Variants in CATSPERD observed in about 807,000 individuals in gnomAD.
The protein encoded by CATSPERD is catsper channel auxiliary subunit delta, also known as cation channel sperm-associated auxiliary subunit delta.
CATSPERD carries 86 observed loss-of-function variants against 98.1 expected under a neutral mutation model. The observed-to-expected ratio is 0.88, with a 90% CI of 0.74 to 1.05. The LOEUF (loss-of-function observed/expected upper bound fraction) is 1.05, where lower values mean the gene tolerates loss of function less well. Among genes scored for constraint, CATSPERD ranks in the 50% least tolerant of loss-of-function variants. The probability of loss-of-function intolerance (pLI) is 0.00; values close to 1 mark genes in which losing one functional copy is unlikely to be tolerated. For synonymous variants in CATSPERD, 394 were observed against 390.2 expected, an observed-to-expected ratio of 1.01 and a Z score of -0.12; for missense variants, 995 against 1,005.7, an observed-to-expected ratio of 0.99 and a Z score of 0.14.
At position 5,727,271 on chromosome 19, in the gene CATSPERD, C is replaced by A; in HGVS notation, c.130C>A (p.Arg44Ser). 6.2e-7 allele frequency: 1 copy of A among 1,610,386 alleles called. No individual in the cohort carries two copies. The highest frequency in any genetic ancestry group is 1.1e-5 in the South Asian group (1 of 91,000). Residue 44 changes from arginine to serine, a missense_variant, in exon 3 of 22, where the codon CGC becomes AGC. This residue lies in a region of CATSPERD where 228 missense variants were observed against 209.6 expected (regional missense o/e 1.09). Transcript: ENST00000381624. ...FNLIQDVQGD[R>S]LYFHPTTTRL... is the part of the protein sequence containing the mutation. The stretch of plus-strand genomic sequence containing the variant: ...GATTTTGTGATTATCTCTCTAGGAC[C>A]GCCTGTATTTTCATCCTACAACAAC...
chr19:5,758,923 CAAA>C (rs1002375684), intron 14 of CATSPERD, among the ~76,000 whole-genome samples, 160 bp from the exon 15 acceptor site: 70 of 39,488 alleles, frequency 1.8e-3, no homozygotes, highest in African/African-American at 6.0e-3. Context: ...GACTCCATCT[CAAA>C]AAAAAAAAAA....
intron 9 of CATSPERD, among the ~76,000 whole-genome samples, chr19:5,746,391 G>T (rs946239838): frequency 6.6e-6 from 1 of 152,084 alleles, no homozygotes; most frequent in Non-Finnish European, 1.5e-5. Context: ...CTCTGAGGCT[G>T]CTTTTCCAGA....
chr19:5,769,705 G>A (rs79173713), intron 18 of CATSPERD, among the ~76,000 whole-genome samples: 1,969 of 152,250 alleles, frequency 0.013, 53 homozygotes, highest in African/African-American at 0.045. Flanking sequence ...TGGAACCTGC[G>A]GAGGACACAG....
intron 16 of CATSPERD, among the ~76,000 whole-genome samples, chr19:5,765,582 C>T (rs558081174): frequency 1.2e-4 from 18 of 151,970 alleles, no homozygotes; most frequent in South Asian, 2.1e-4. Context: ...GAGGCCCAGG[C>T]GGGTGGATCA....
At chr19:5,763,904 G>GTGGT (rs773987126) in intron 16 of CATSPERD, among the ~76,000 whole-genome samples, 17 of 128,908 alleles carry the variant, frequency 1.3e-4, no homozygotes, top group Non-Finnish European at 2.5e-4. Flanking sequence ...CTGGAATGCA[G>GTGGT]TGGTGCGATC....
At chr19:5,757,056 C>T (rs1377150240) in intron 13 of CATSPERD, among the ~76,000 whole-genome samples, 2 of 152,026 alleles carry the variant, frequency 1.3e-5, no homozygotes, top group Non-Finnish European at 2.9e-5. Flanking sequence ...TCCAGACCAG[C>T]CTGGCCAATA....
intron 17 of CATSPERD, among the ~76,000 whole-genome samples, chr19:5,766,468 A>C (rs2056541306): frequency 6.6e-6 from 1 of 151,962 alleles, no homozygotes; most frequent in African/African-American, 2.4e-5. Context: ...TGAAAAAAAA[A>C]AAAAAGTAAG....
chr19:5,731,328 C>T (rs903682605), intron 4 of CATSPERD, among the ~76,000 whole-genome samples: 1 of 129,710 alleles, frequency 7.7e-6, no homozygotes, highest in African/African-American at 2.7e-5. Flanking sequence ...TGAAATTAGC[C>T]GAGTGTGGTG....
Position 5,742,195 on chromosome 19 carries a change from C to G in CATSPERD, c.574-2232C>G, listed in dbSNP as rs575316151. On this transcript the variant is annotated intron_variant, in intron 7 of 21. Transcript: ENST00000381624. ...GTGTGTATGTATGTGAACGTGTGTG[C>G]GTGTACATGTGTGCATGTGTGTACA... is the stretch of plus-strand genomic sequence containing the variant. Among the ~76,000 whole-genome samples, 38 of 136,778 alleles carry G rather than the reference C, an allele frequency of 2.8e-4. 1 individual carries two copies. The highest frequency in any genetic ancestry group is 1.0e-3 in the African/African-American group (36 of 36,148). 89.7% of individuals were successfully genotyped at this position (136,778 alleles called of 152,430 possible).
intron 21 of CATSPERD, among the ~76,000 whole-genome samples, chr19:5,777,117 G>A (rs2056753154): frequency 6.6e-6 from 1 of 152,054 alleles, no homozygotes; most frequent in South Asian, 2.1e-4. Flanking sequence ...GACACCAGGT[G>A]GAAATCTTCC....
At chr19:5,769,743 G>A (rs1055257301) in intron 18 of CATSPERD, among the ~76,000 whole-genome samples, 1 of 152,128 alleles carries the variant, frequency 6.6e-6, no homozygotes, top group Non-Finnish European at 1.5e-5. Context: ...GTCTATGTGG[G>A]CTGTATTGCA....
chr19:5,722,413 G>A (rs534644861), intron 1 of CATSPERD, among the ~76,000 whole-genome samples: 3 of 152,242 alleles, frequency 2.0e-5, no homozygotes, highest in South Asian at 2.1e-4. Flanking sequence ...GTGCCACCGC[G>A]CCCGGCCAAC....
chr19:5,760,781 CA>C (rs1178445213), intron 15 of CATSPERD, among the ~76,000 whole-genome samples: 1 of 151,976 alleles, frequency 6.6e-6, no homozygotes, highest in African/African-American at 2.4e-5. Flanking sequence ...ATAATCACAG[CA>C]ACTCAGGAGA....
At chr19:5,758,956 T>C in intron 14 of CATSPERD, 130 bp from the exon 15 acceptor site, 1 of 452,568 alleles carries the variant, frequency 2.2e-6, no homozygotes, top group Non-Finnish European at 3.9e-6. Flanking sequence ...AGGAACAGAG[T>C]GGGGCTAAGC....
chr19:5,741,785 CGGG>C (rs762072689), intron 7 of CATSPERD, among the ~76,000 whole-genome samples: 2 of 6,114 alleles, frequency 3.3e-4, no homozygotes, highest in Non-Finnish European at 4.8e-4. Flanking sequence ...ATGCTGAAGG[CGGG>C]GGGGGGGGGG....
At chr19:5,730,856 C>A (rs191028074) in intron 4 of CATSPERD, among the ~76,000 whole-genome samples, 1 of 152,148 alleles carries the variant, frequency 6.6e-6, no homozygotes, top group Non-Finnish European at 1.5e-5. Flanking sequence ...AAAAAATTAG[C>A]TGGGCGTGGT....
At chr19:5,727,666 A>G (rs1447274158) in intron 3 of CATSPERD, among the ~76,000 whole-genome samples, 2 of 152,172 alleles carry the variant, frequency 1.3e-5, no homozygotes, top group Non-Finnish European at 2.9e-5. Flanking sequence ...AAGGATGAAT[A>G]GGAGTTCACT....
intron 7 of CATSPERD, among the ~76,000 whole-genome samples, chr19:5,744,140 C>G (rs956640382): frequency 7.9e-5 from 12 of 151,866 alleles, no homozygotes; most frequent in African/African-American, 2.9e-4. Context: ...CCACCACACC[C>G]GGCTAATTTT....
At chr19:5,758,081 A>G (rs2056361184) in intron 14 of CATSPERD, 149 bp downstream of exon 14, 8 of 630,472 alleles carry the variant, frequency 1.3e-5, no homozygotes, top group South Asian at 4.2e-5. Flanking sequence ...GCAGCCGTCA[A>G]CCACACGCTT....
Sources: allele counts gnomAD v4.1 joint callset (sites outside exome capture counted in the v4.1 genomes callset), GRCh38; gene constraint gnomAD v4.1.1; regional missense constraint gnomAD v4.1.1; transcripts MANE v1.5; gene names NCBI Gene and HGNC (gene_info 2026-07-23, HGNC 2026-07-21).